LRMDA: variants seen among roughly 807,000 people sequenced by gnomAD.
LRMDA encodes the protein leucine-rich melanocyte differentiation-associated protein.
A neutral mutation model predicts 29.8 loss-of-function variants in LRMDA; 18 were observed. The ratio of observed to expected loss-of-function variants is 0.60; its 90% CI spans 0.42 to 0.90. The LOEUF (loss-of-function observed/expected upper bound fraction) is 0.90, where lower values mean the gene tolerates loss of function less well. Ranked by LOEUF, LRMDA falls within the 40% of genes least tolerant of loss-of-function variation. The pLI is 0.00. For synonymous variants in LRMDA, 125 were observed against 109.4 expected, an observed-to-expected ratio of 1.14 and a Z score of -0.89; for missense variants, 273 against 273.9, an observed-to-expected ratio of 1.00 and a Z score of 0.02.
At chr10:76,534,077 C>G (rs921144156) in intron 6 of LRMDA, among the ~76,000 whole-genome samples, 1 of 152,072 alleles carries the variant, frequency 6.6e-6, no homozygotes, top group Non-Finnish European at 1.5e-5. Flanking sequence ...GGTCAAGGCA[C>G]TAATATAGTA....
chr10:76,402,830 A>G (rs973717083), intron 6 of LRMDA, among the ~76,000 whole-genome samples: 2 of 152,176 alleles, frequency 1.3e-5, no homozygotes, highest in African/African-American at 4.8e-5. Context: ...CTTTGTCAAC[A>G]TAGCTATTCT....
At chr10:76,039,515 A>G (rs1187637254) in intron 3 of LRMDA, among the ~76,000 whole-genome samples, 1 of 152,158 alleles carries the variant, frequency 6.6e-6, no homozygotes, top group Non-Finnish European at 1.5e-5. Context: ...AGATTTTTCC[A>G]CTTTGGTTTG....
chr10:75,980,428 A>G (rs1847147077), intron 2 of LRMDA, among the ~76,000 whole-genome samples: 1 of 152,190 alleles, frequency 6.6e-6, no homozygotes, highest in South Asian at 2.1e-4. Context: ...TCGGATATGC[A>G]GGGAATGGAA....
chr10:76,009,387 T>A (rs1271123318), intron 2 of LRMDA, among the ~76,000 whole-genome samples: 2 of 152,214 alleles, frequency 1.3e-5, no homozygotes, highest in Non-Finnish European at 2.9e-5. Flanking sequence ...GAAAATAGCC[T>A]TTTGATGAGC....
chr10:75,708,172 T>C (rs1180576120), intron 2 of LRMDA, among the ~76,000 whole-genome samples: 2 of 152,178 alleles, frequency 1.3e-5, no homozygotes, highest in African/African-American at 4.8e-5. Context: ...TAGGTACAGC[T>C]TCGAGAGCCC....
chr10:76,095,999 T>C (rs890432231), intron 5 of LRMDA, among the ~76,000 whole-genome samples: 2 of 152,186 alleles, frequency 1.3e-5, no homozygotes, highest in African/African-American at 4.8e-5. Flanking sequence ...TTGAGATTTC[T>C]TTATATCATT....
chr10:76,424,822 A>G lies in LRMDA; in HGVS notation c.601+100337A>G, dbSNP rs80210831. ...AACAGTAGTCTTTTCACGGCACCTT[A>G]CTGTCTTTCCCAAGTTATTTCTCCA... On this transcript the variant is annotated intron_variant, in intron 6 of 6. Coordinates refer to ENST00000611255, the MANE Select transcript of LRMDA (RefSeq NM_001305581.2). Among the ~76,000 whole-genome samples the G allele has an allele frequency of 6.2e-3, 949 of 152,274 alleles. 3 individuals carry two copies. The highest frequency in any genetic ancestry group is 0.017 in the Middle Eastern group (5 of 294).
intron 2 of LRMDA, among the ~76,000 whole-genome samples, chr10:75,995,828 C>A (rs1019813696): frequency 6.6e-6 from 1 of 152,096 alleles, no homozygotes; most frequent in Admixed American, 6.5e-5. Flanking sequence ...CAATATAATG[C>A]CTTCTGCCAT....
chr10:75,565,400 G>T (rs1840357602), intron 2 of LRMDA, among the ~76,000 whole-genome samples: 1 of 152,234 alleles, frequency 6.6e-6, no homozygotes, highest in Non-Finnish European at 1.5e-5. Flanking sequence ...ACCTGAAATT[G>T]TTGCTCTTGG....
chr10:75,623,326 G>A (rs1420266249), intron 2 of LRMDA, among the ~76,000 whole-genome samples: 2 of 152,162 alleles, frequency 1.3e-5, no homozygotes, highest in Admixed American at 6.5e-5. Flanking sequence ...CCTGGAATGG[G>A]AGCTTGTAAA....
At chr10:76,047,428 T>A in intron 4 of LRMDA, 125 bp downstream of exon 4, 3 of 1,010,818 alleles carry the variant, frequency 3.0e-6, no homozygotes, top group Non-Finnish European at 4.1e-6. Flanking sequence ...ATGACAATGT[T>A]AAACTTTTAC....
In LRMDA at chr10:75,438,459, C is replaced by T. The variant is rs1298075078; in HGVS notation, c.96C>T (p.Phe32=). The T allele has an allele frequency of 1.1e-5, 17 of 1,550,822 alleles. No homozygotes were observed. Among genetic ancestry groups the T allele is most frequent in the East Asian group, 4.9e-5 (2 of 40,916 alleles). The change falls in exon 2 of 7, where the codon TTC becomes TTT. Residue 32 remains phenylalanine (F), a synonymous_variant. Transcript: ENST00000611255. ...PEHLGRDCGH[F]AKRLDLSFNL... ...ACCTTGGCAGGGACTGTGGACATTT[C>T]GCAAAGAGGCTTGATCTGAGCTTTA...
At chr10:75,942,317 C>T (rs1015832117) in intron 2 of LRMDA, among the ~76,000 whole-genome samples, 2 of 152,196 alleles carry the variant, frequency 1.3e-5, no homozygotes, top group African/African-American at 2.4e-5. Context: ...ATGCTCATCT[C>T]TTTCCCAAAG....
At chr10:75,777,063 G>C (rs1160431071) in intron 2 of LRMDA, among the ~76,000 whole-genome samples, 1 of 152,222 alleles carries the variant, frequency 6.6e-6, no homozygotes, top group African/African-American at 2.4e-5. Context: ...CCTTGAGTGG[G>C]GAGCCGGGTT....
chr10:76,266,412 C>G (rs994878415), intron 5 of LRMDA, among the ~76,000 whole-genome samples: 1 of 152,184 alleles, frequency 6.6e-6, no homozygotes, highest in African/African-American at 2.4e-5. Context: ...TCTTCTTTCT[C>G]TAGATCCTGT....
chr10:75,712,894 A>G (rs1842454291), intron 2 of LRMDA, among the ~76,000 whole-genome samples: 1 of 151,996 alleles, frequency 6.6e-6, no homozygotes, highest in South Asian at 2.1e-4. Flanking sequence ...GTTTCTGCAG[A>G]ATATGGTTCC....
intron 5 of LRMDA, among the ~76,000 whole-genome samples, chr10:76,168,380 G>GA (rs941999144): frequency 1.2e-4 from 18 of 152,108 alleles, no homozygotes; most frequent in Non-Finnish European, 1.9e-4. Flanking sequence ...TGTTGGGAGA[G>GA]AAAAAAACAT....
chr10:75,932,864 G>A (rs1403185458), intron 2 of LRMDA, among the ~76,000 whole-genome samples: 1 of 152,154 alleles, frequency 6.6e-6, no homozygotes, highest in African/African-American at 2.4e-5. Flanking sequence ...TGATAATGTT[G>A]AAGATTGTTA....
At chr10:76,469,177 GCTCT>G (rs1362388085) in intron 6 of LRMDA, among the ~76,000 whole-genome samples, 3 of 152,150 alleles carry the variant, frequency 2.0e-5, no homozygotes, top group Non-Finnish European at 2.9e-5. Flanking sequence ...TTTGAAGGAA[GCTCT>G]CTATTACAGG....
Sources: gnomAD v4.1 joint callset for allele counts (sites outside exome capture counted in the v4.1 genomes callset) on GRCh38, gnomAD v4.1.1 for gene constraint, MANE v1.5 for transcripts, NCBI Gene and HGNC (gene_info 2026-07-23, HGNC 2026-07-21) for gene names.